Variants in ZNF540 observed in about 807,000 individuals in gnomAD.
The protein encoded by ZNF540 is zinc finger protein 540.
In ZNF540, 3 loss-of-function variants were observed where a neutral mutation model predicts 11.8. That is an observed-to-expected ratio of 0.25 (90% CI 0.12 to 0.65). ZNF540 has a LOEUF of 0.65. ZNF540 is among the 30% of genes least tolerant of loss of function. The pLI, the probability that ZNF540 is intolerant of heterozygous loss-of-function variation, is 0.83. For synonymous variants in ZNF540, 247 were observed against 259.0 expected (o/e 0.95, Z 0.45); for missense variants, 709 against 793.1 (o/e 0.89, Z 1.27).
At chr19:37,566,341 T>C in intron 1 of ZNF540, 1 of 1,533,762 alleles carries the variant, frequency 6.5e-7, no homozygotes, top group Non-Finnish European at 8.7e-7. Context: ...CAAGGAGAAA[T>C]AAAAATTCTA....
chr19:37,600,547 T>C (rs1478870637), intron 3 of ZNF540, among the ~76,000 whole-genome samples: 1 of 152,076 alleles, frequency 6.6e-6, no homozygotes, highest in Non-Finnish European at 1.5e-5. Context: ...CAGGCATCAT[T>C]CTAAGTACTA....
rs16973717 is a variant in ZNF540, at chr19:37,559,617, T to C, written c.-73+7952T>C. 6.7e-3 allele frequency among the ~76,000 whole-genome samples: 1,026 copies of C among 152,314 alleles called. 32 individuals carry two copies. The highest frequency in any genetic ancestry group is 0.051 in the East Asian group (262 of 5,188). ...AAATCTGGACTCAAACCAACTATTATTGTGAAAGGTTGACTTATCTGTTCA... is the reference window on the plus strand; with the variant it reads ...AAATCTGGACTCAAACCAACTATTACTGTGAAAGGTTGACTTATCTGTTCA... On this transcript the variant is annotated intron_variant, in intron 1 of 4. Transcript: ENST00000592533.
chr19:37,611,678 G>A lies in ZNF540; in HGVS notation c.398G>A (p.Gly133Glu). The change falls in exon 5 of 5, where the codon GGA becomes GAA. Residue 133 changes from glycine to glutamate, a missense_variant. Coordinates refer to ENST00000316433, the MANE Select transcript of ZNF540 (RefSeq NM_001172225.3). Reference sequence around the variant, plus strand: ...AAAAGTGAGTTTGAGGGTCAACAGGGACTTAAAGAAAGATCTATCAGTCAA... The same window carrying A: ...AAAAGTGAGTTTGAGGGTCAACAGGAACTTAAAGAAAGATCTATCAGTCAA... ...QNKSEFEGQQ[G>E]LKERSISQKK... 3 of 1,613,894 alleles carry A rather than the reference G, an allele frequency of 1.9e-6. No homozygotes were observed. The highest frequency in any genetic ancestry group is 8.5e-7 in the Non-Finnish European group (1 of 1,179,942).
intron 1 of ZNF540, among the ~76,000 whole-genome samples, chr19:37,571,892 T>C (rs2043067304): frequency 6.6e-6 from 1 of 152,258 alleles, no homozygotes; most frequent in African/African-American, 2.4e-5. Context: ...TTGTTACATA[T>C]GAAGGCATGA....
chr19:37,554,069 G>C (rs1487534497), intron 1 of ZNF540, among the ~76,000 whole-genome samples: 2 of 152,118 alleles, frequency 1.3e-5, no homozygotes, highest in Non-Finnish European at 2.9e-5. Flanking sequence ...TATCCCTGGG[G>C]TTTGGTGTAC....
chr19:37,563,913 A>ACAAT (rs1263364605), intron 1 of ZNF540: 1 of 152,140 alleles, frequency 6.6e-6, no homozygotes, highest in African/African-American at 2.4e-5. Flanking sequence ...CCTTAAAGTA[A>ACAAT]CAATCAGAAA....
chr19:37,589,200 C>CAAAAAAAAAAAAAA (rs35689698), intron 1 of ZNF540, among the ~76,000 whole-genome samples: 2 of 108,904 alleles, frequency 1.8e-5, no homozygotes, highest in Non-Finnish European at 1.8e-5. Flanking sequence ...AACTCCGTCT[C>CAAAAAAAAAAAAAA]AAAAAAAAAA....
At chr19:37,553,009 G>GT (rs34788856) in intron 1 of ZNF540, among the ~76,000 whole-genome samples, 102 of 139,200 alleles carry the variant, frequency 7.3e-4, no homozygotes, top group African/African-American at 1.3e-3. Flanking sequence ...TTTGCATGGT[G>GT]TTTTTTTTTT....
rs374741145 is a variant in ZNF540, at chr19:37,587,501, G to A, written c.-72-10875G>A. On this transcript the variant is annotated intron_variant, in intron 1 of 4. Coordinates refer to the ZNF540 transcript ENST00000592533. ...AACATCCACATGACAGCCAATGTGCGCACAGCACGCCCCCTCTTGCAATAT... is the reference window on the plus strand; with the variant it reads ...AACATCCACATGACAGCCAATGTGCACACAGCACGCCCCCTCTTGCAATAT... Among the ~76,000 whole-genome samples, 11 of 152,066 alleles carry A rather than the reference G, an allele frequency of 7.2e-5. No individual in the cohort carries two copies. In the East Asian group the frequency reaches 7.7e-4, roughly 11 times the overall value.
At chr19:37,596,849 A>C (rs562509552) in intron 1 of ZNF540, among the ~76,000 whole-genome samples, 4 of 152,300 alleles carry the variant, frequency 2.6e-5, no homozygotes, top group African/African-American at 9.6e-5. Flanking sequence ...ATAAAATGCT[A>C]TTTGCCACTT....
At position 37,594,913 on chromosome 19, in the gene ZNF540, C is replaced by T. The variant is rs1411125918; in HGVS notation, c.-255C>T. On this transcript the variant is annotated 5_prime_UTR_variant, in exon 1 of 5. Transcript: ENST00000316433. ...GTCCGGCGCTCCAGAACAGAACGAT[C>T]CCTGAGGCTCCCTTGCTCGAACTGT... 2.0e-5 allele frequency: 3 copies of T among 152,196 alleles called. No homozygotes were observed. Among genetic ancestry groups the T allele is most frequent in the African/African-American group, 4.8e-5 (2 of 41,432 alleles). 9.4% of individuals were successfully genotyped at this position (152,196 alleles called of 1,614,324 possible).
Position 37,604,945 on chromosome 19 carries a change from C to T in ZNF540, c.232+3840C>T, listed in dbSNP as rs376991667. On this transcript the variant is annotated intron_variant, in intron 4 of 4. Transcript: ENST00000316433. ...ACTTCTGATATTTATGCGATTCATC[C>T]AAGTAGTTAGAAGTCTCAGTAGTTA... Among the ~76,000 whole-genome samples the T allele has an allele frequency of 4.6e-5, 7 of 152,238 alleles. No individual in the cohort carries two copies. In the East Asian group the frequency reaches 1.2e-3, roughly 25 times the overall value.
intron 4 of ZNF540, among the ~76,000 whole-genome samples, chr19:37,608,878 T>TG (rs2044105256): frequency 1.4e-4 from 21 of 152,290 alleles, no homozygotes; most frequent in Admixed American, 1.2e-3. Flanking sequence ...TAACCTCAGG[T>TG]GATCCACCCA....
At chr19:37,557,084 G>A (rs1197445645) in intron 1 of ZNF540, among the ~76,000 whole-genome samples, 3 of 152,156 alleles carry the variant, frequency 2.0e-5, no homozygotes, top group East Asian at 1.9e-4. Flanking sequence ...TGGCGGTTTC[G>A]TTTTTGGTAG....
At chr19:37,581,558 G>A (rs1270313721) in intron 1 of ZNF540, among the ~76,000 whole-genome samples, 1 of 151,024 alleles carries the variant, frequency 6.6e-6, no homozygotes, top group East Asian at 1.9e-4. Context: ...CTCGACCTCG[G>A]GGCTCAAATG....
intron 3 of ZNF540, 44 bp from the exon 4 acceptor site, chr19:37,600,966 A>C (rs1226844561): frequency 6.8e-7 from 1 of 1,465,788 alleles, no homozygotes; most frequent in South Asian, 1.2e-5. Context: ...TGAATGTGCA[A>C]TGTTTTATTT....
rs137883745 is a variant in ZNF540, at chr19:37,553,478, T to C, written c.-73+1813T>C. Among the ~76,000 whole-genome samples, 13 of 152,292 alleles carry C rather than the reference T, an allele frequency of 8.5e-5. No homozygotes were observed. In the East Asian group the frequency reaches 2.5e-3, roughly 29 times the overall value. ...GAAGTATTTAGGCCATTAACATTGT[T>C]TGTAATTATTGATATATTTGGGTTT... On this transcript the variant is annotated intron_variant, in intron 1 of 4. Transcript: ENST00000592533.
In ZNF540 at chr19:37,598,465, C is replaced by T. The variant is rs1402891133; in HGVS notation, c.9+9C>T. The T allele has an allele frequency of 1.2e-6, 2 of 1,613,806 alleles. No homozygotes were observed. Among genetic ancestry groups the T allele is most frequent in the East Asian group, 4.5e-5 (2 of 44,866 alleles). ...GTAAAACCATGGCCCATGTAAGTCA[C>T]AGTTTCTCTTTCCTTTTTAGATTAT... is the stretch of plus-strand genomic sequence containing the variant. On this transcript the variant is annotated intron_variant, in intron 2 of 4. Coordinates refer to ENST00000316433, the MANE Select transcript of ZNF540 (RefSeq NM_001172225.3).
At position 37,612,904 on chromosome 19, in the gene ZNF540, C is replaced by A; in HGVS notation, c.1624C>A (p.Leu542Met). 1.2e-6 allele frequency: 2 copies of A among 1,614,082 alleles called. No homozygotes were observed. Among genetic ancestry groups the A allele is most frequent in the Middle Eastern group, 1.6e-4 (1 of 6,062 alleles). ...FIRRGNLKEH[L>M]KIHSGLKPYD... ...TCGTAGAGGGAATCTTAAAGAACAT[C>A]TGAAAATTCATTCTGGTTTAAAACC... Residue 542 changes from leucine to methionine, a missense_variant, in exon 5 of 5, where the codon CTG (leucine) becomes ATG (methionine). Transcript: ENST00000316433.
Sources: allele counts gnomAD v4.1 joint callset (sites outside exome capture counted in the v4.1 genomes callset), GRCh38; gene constraint gnomAD v4.1.1; transcripts MANE v1.5; gene names NCBI Gene and HGNC (gene_info 2026-07-23, HGNC 2026-07-21).